KREMEN1: variants seen among roughly 807,000 people sequenced by gnomAD.
The protein encoded by KREMEN1 is kremen protein 1.
KREMEN1 carries 30 observed loss-of-function variants against 46.5 expected under a neutral mutation model. That is an observed-to-expected ratio of 0.65 (90% CI 0.48 to 0.88). The LOEUF (loss-of-function observed/expected upper bound fraction) is 0.88. KREMEN1 is among the 40% of genes least tolerant of loss of function. The probability of loss-of-function intolerance (pLI) is 0.00; values close to 1 mark genes in which losing one functional copy is unlikely to be tolerated. For missense variants in KREMEN1, 533 were observed against 596.9 expected (o/e 0.89, Z 1.11); for synonymous variants, 214 against 230.6 (o/e 0.93, Z 0.65).
chr22:29,137,347 G>A lies in KREMEN1; in HGVS notation c.637G>A (p.Val213Met), dbSNP rs377602415. The change falls in exon 6 of 9, where the codon GTG (valine) becomes ATG (methionine). Residue 213 changes from valine (V) to methionine (M), a missense_variant. Physicochemically the swap from Val to Met is conservative, Grantham distance 21. Transcript: ENST00000400335. Reference protein sequence around the residue: ...DGRIILFDTLVGACGGNYSAM... With the variant: ...DGRIILFDTLMGACGGNYSAM... Reference sequence around the variant, plus strand: ...TGTCTTTTTCTCTCCTACAGCTCTCGTGGGCGCCTGCGGTGGGAACTACTC... The same window carrying A: ...TGTCTTTTTCTCTCCTACAGCTCTCATGGGCGCCTGCGGTGGGAACTACTC... 8 of 1,476,676 alleles carry A rather than the reference G, an allele frequency of 5.4e-6. No homozygotes were observed. The highest frequency in any genetic ancestry group is 4.2e-5 in the African/African-American group (3 of 70,894). The allele number at this position is 1,476,676 out of a possible 1,614,324, so 91.5% of individuals were successfully genotyped here. A position where few individuals can be genotyped will look rare whatever the true frequency, so the allele number is the denominator to read the frequency against.
intron 9 of KREMEN1, among the ~76,000 whole-genome samples, chr22:29,156,417 G>A (rs1601822970): frequency 1.3e-5 from 2 of 152,372 alleles, no homozygotes; most frequent in East Asian, 3.9e-4. Context: ...GACAATGGGT[G>A]CCAAGTTGGT....
chr22:29,109,148 G>A, intron 3 of KREMEN1, among the ~76,000 whole-genome samples: 1 of 152,208 alleles, frequency 6.6e-6, no homozygotes, highest in Non-Finnish European at 1.5e-5. Context: ...GTTTTTGCCA[G>A]TGGGTATTAT....
intron 1 of KREMEN1, among the ~76,000 whole-genome samples, chr22:29,076,913 A>C (rs2037581405): frequency 6.6e-6 from 1 of 152,210 alleles, no homozygotes; most frequent in Admixed American, 6.5e-5. Context: ...ATAAATCTTA[A>C]AGCAAGAAAG....
chr22:29,159,248 G>C (rs1157548225), intron 9 of KREMEN1, among the ~76,000 whole-genome samples: 1 of 151,370 alleles, frequency 6.6e-6, no homozygotes, highest in Admixed American at 6.6e-5. Flanking sequence ...TTTCAGGCAT[G>C]AGCCACTGCA....
intron 5 of KREMEN1, among the ~76,000 whole-genome samples, chr22:29,133,674 C>T (rs1253568573): frequency 6.6e-6 from 1 of 151,262 alleles, no homozygotes; most frequent in African/African-American, 2.4e-5. Flanking sequence ...GTTTTTTTTG[C>T]TTTTGTTTTT....
chr22:29,164,544 G>A (rs1012402540), intron 9 of KREMEN1, among the ~76,000 whole-genome samples: 16 of 151,720 alleles, frequency 1.1e-4, no homozygotes, highest in Non-Finnish European at 2.2e-4. Context: ...TCAGAAGTTC[G>A]AGACCAGCCT....
At chr22:29,119,505 C>T (rs914977843) in intron 3 of KREMEN1, among the ~76,000 whole-genome samples, 3 of 152,204 alleles carry the variant, frequency 2.0e-5, no homozygotes, top group African/African-American at 7.2e-5. Flanking sequence ...TGACCACCCT[C>T]CATCCTGAAG....
chr22:29,100,305 G>A (rs6519771), intron 3 of KREMEN1, among the ~76,000 whole-genome samples: 13,398 of 152,058 alleles, frequency 0.088, 809 homozygotes, highest in African/African-American at 0.16. Flanking sequence ...AGTAGAGACG[G>A]GGTTTCTCCA....
intron 5 of KREMEN1, among the ~76,000 whole-genome samples, chr22:29,131,724 ATATG>A (rs1430940091): frequency 1.5e-5 from 2 of 137,034 alleles, no homozygotes; most frequent in Non-Finnish European, 1.5e-5. Context: ...ATATGTATAT[ATATG>A]TATATATGTG....
Position 29,145,476 on chromosome 22 carries a change from C to T in KREMEN1, c.*3364C>T. The T allele has an allele frequency of 1.0e-6, 1 of 985,600 alleles. No individual in the cohort carries two copies. The highest frequency in any genetic ancestry group is 1.2e-6 in the Non-Finnish European group (1 of 830,074). The allele number at this position is 985,600 out of a possible 1,614,324, so 61.1% of individuals were successfully genotyped here. ...TGTTCCCCGCTGGCGCCAGGCCCTG[C>T]CTTCTTGGTACCTGTGCCAACAGGA... On this transcript the variant is annotated 3_prime_UTR_variant, in exon 9 of 9. Coordinates refer to ENST00000400335, the MANE Select transcript of KREMEN1 (RefSeq NM_001039570.3).
chr22:29,132,423 AT>A (rs1262614153), intron 5 of KREMEN1, among the ~76,000 whole-genome samples: 2 of 152,260 alleles, frequency 1.3e-5, no homozygotes, highest in South Asian at 2.1e-4. Flanking sequence ...CTAAGTGCAT[AT>A]TTAGCATTAT....
intron 1 of KREMEN1, among the ~76,000 whole-genome samples, chr22:29,093,158 C>T (rs1232160929): frequency 6.6e-6 from 1 of 152,038 alleles, no homozygotes; most frequent in South Asian, 2.1e-4. Flanking sequence ...GAAATATCTG[C>T]CAGAATGTGT....
Position 29,121,525 on chromosome 22 carries a change from G to A in KREMEN1, c.477+44G>A, listed in dbSNP as rs758954106. ...TGTAACTATAGAAAAATATAAAGAT[G>A]TAAATGCATTTTGCTGAGATAACTT... On this transcript the variant is annotated intron_variant, in intron 4 of 8. Coordinates refer to ENST00000400335, the MANE Select transcript of KREMEN1 (RefSeq NM_001039570.3). The A allele has an allele frequency of 5.0e-6, 8 of 1,599,452 alleles. No homozygotes were observed. The South Asian group carries it at 6.7e-5, about 13-fold the overall frequency.
chr22:29,162,961 T>C (rs1277454468), intron 9 of KREMEN1, among the ~76,000 whole-genome samples: 3 of 152,116 alleles, frequency 2.0e-5, no homozygotes, highest in Non-Finnish European at 4.4e-5. Flanking sequence ...TTTGCAGCAA[T>C]ACAGATCCAG....
intron 3 of KREMEN1, among the ~76,000 whole-genome samples, chr22:29,107,973 G>A (rs921395950): frequency 2.0e-5 from 3 of 152,156 alleles, no homozygotes; most frequent in African/African-American, 7.2e-5. Flanking sequence ...ACAGTGGAGA[G>A]TGTAAAAGTG....
chr22:29,144,843 G>A lies in KREMEN1; in HGVS notation c.*2731G>A. 1.0e-6 allele frequency: 1 copy of A among 985,556 alleles called. No individual in the cohort carries two copies. Among genetic ancestry groups the A allele is most frequent in the Non-Finnish European group, 1.2e-6 (1 of 830,014 alleles). The allele number at this position is 985,556 out of a possible 1,614,324, so 61.1% of individuals were successfully genotyped here. A position where few individuals can be genotyped will look rare whatever the true frequency, so the allele number is the denominator to read the frequency against. On this transcript the variant is annotated 3_prime_UTR_variant, in exon 9 of 9. Coordinates refer to ENST00000400335, the MANE Select transcript of KREMEN1 (RefSeq NM_001039570.3). ...CAGGGGAGGCCATGCCCAAGCCAAT[G>A]TGCTGTCACAGCCTGCAGCGGGGGC...
intron 8 of KREMEN1, 71 bp downstream of exon 8, chr22:29,140,437 T>C (rs2038744446): frequency 8.8e-7 from 1 of 1,141,092 alleles, no homozygotes; most frequent in Non-Finnish European, 1.3e-6. Flanking sequence ...TGATGCTTCA[T>C]TTGTCTGGTT....
chr22:29,159,375 C>T (rs1281120727), intron 9 of KREMEN1, among the ~76,000 whole-genome samples: 2 of 150,694 alleles, frequency 1.3e-5, no homozygotes, highest in African/African-American at 4.9e-5. Context: ...AATCCCAGCT[C>T]TTTGGGAGGT....
At chr22:29,089,614 A>C (rs898095159) in intron 1 of KREMEN1, among the ~76,000 whole-genome samples, 14 of 152,198 alleles carry the variant, frequency 9.2e-5, no homozygotes, top group African/African-American at 3.1e-4. Flanking sequence ...ATAAATAAAG[A>C]TAAGTCACAT....
Sources: allele counts gnomAD v4.1 joint callset (sites outside exome capture counted in the v4.1 genomes callset), GRCh38; gene constraint gnomAD v4.1.1; transcripts MANE v1.5; gene names NCBI Gene and HGNC (gene_info 2026-07-23, HGNC 2026-07-21).